Variants in FGD3 observed in about 807,000 individuals in gnomAD.
FGD3 encodes FYVE, RhoGEF and PH domain-containing protein 3.
In FGD3, 45 loss-of-function variants were observed where a neutral mutation model predicts 71.8. The observed-to-expected ratio is 0.63, with a 90% CI of 0.49 to 0.80. The LOEUF is 0.80. Among genes scored for constraint, FGD3 ranks in the 30% least tolerant of loss-of-function variants. The pLI, the probability that FGD3 is intolerant of heterozygous loss-of-function variation, is 0.00. For missense variants in FGD3, 844 were observed against 951.5 expected (o/e 0.89, Z 1.49); for synonymous variants, 378 against 392.8 (o/e 0.96, Z 0.44).
At position 92,969,565 on chromosome 9, in the gene FGD3, C is replaced by T. The variant is rs189717629; in HGVS notation, c.-217-5673C>T. ...CATTGTTATGGAGCCTCCTGTGTGC[C>T]GGGGGCCACTGGGCCACTCCAGCGA... On this transcript the variant is annotated intron_variant, in intron 1 of 17. Coordinates refer to ENST00000375482, the MANE Select transcript of FGD3 (RefSeq NM_001083536.2). This position sits in a 1 kb window ranked among gnomAD's most constrained non-coding sequence, Gnocchi z 4.5. Among the ~76,000 whole-genome samples, 29 of 152,290 alleles carry T rather than the reference C, an allele frequency of 1.9e-4. No homozygotes were observed. Among genetic ancestry groups the T allele is most frequent in the African/African-American group, 5.5e-4 (23 of 41,558 alleles).
At chr9:93,007,380 G>A (rs557632712) in intron 6 of FGD3, among the ~76,000 whole-genome samples, 2 of 152,230 alleles carry the variant, frequency 1.3e-5, no homozygotes, top group East Asian at 3.9e-4. Context: ...GTGAGCCACC[G>A]CGCCTGGCCC....
intron 14 of FGD3, among the ~76,000 whole-genome samples, chr9:93,026,389 T>C (rs771702744): frequency 1.6e-4 from 24 of 152,050 alleles, no homozygotes; most frequent in Admixed American, 3.9e-4. Context: ...GGCGTGTGCA[T>C]GGCCGAGAGA....
At chr9:92,975,681 C>T (rs746006295) in intron 2 of FGD3, among the ~76,000 whole-genome samples, 33 of 152,224 alleles carry the variant, frequency 2.2e-4, no homozygotes, top group African/African-American at 6.3e-4. Context: ...TCTGGCAAGA[C>T]GCACCTCCTG....
chr9:93,020,883 C>G (rs1056263522), intron 13 of FGD3, among the ~76,000 whole-genome samples: 1 of 152,236 alleles, frequency 6.6e-6, no homozygotes, highest in Non-Finnish European at 1.5e-5. Flanking sequence ...GCCGCTGCAG[C>G]CTGCTGGGCC....
At position 93,018,984 on chromosome 9, in the gene FGD3, T is replaced by C. The variant is rs1411907413; in HGVS notation, c.1355+769T>C. The stretch of plus-strand genomic sequence containing the variant: ...CCTCAGCCTCCTGGGTAGTTGGGAT[T>C]ACAGGCACCCGCCACCACGCCAGGC... On this transcript the variant is annotated intron_variant, in intron 11 of 17. Coordinates refer to ENST00000375482, the MANE Select transcript of FGD3 (RefSeq NM_001083536.2). 7.2e-5 allele frequency among the ~76,000 whole-genome samples: 11 copies of C among 152,176 alleles called. 2 individuals carry two copies. Among genetic ancestry groups the C allele is most frequent in the African/African-American group, 2.7e-4 (11 of 41,420 alleles).
At chr9:93,011,885 G>A (rs1181099246) in intron 8 of FGD3, among the ~76,000 whole-genome samples, 3 of 143,886 alleles carry the variant, frequency 2.1e-5, no homozygotes, top group Admixed American at 1.4e-4. Context: ...TAGGCCAGGC[G>A]CGGTGGCTCA....
At chr9:93,023,863 A>G (rs1456684460) in intron 14 of FGD3, among the ~76,000 whole-genome samples, 1 of 141,218 alleles carries the variant, frequency 7.1e-6, no homozygotes, top group African/African-American at 2.6e-5. Flanking sequence ...GTGCGGTGGC[A>G]CAATCTCAGC....
intron 1 of FGD3, among the ~76,000 whole-genome samples, chr9:92,962,847 A>G (rs1398167034): frequency 2.0e-5 from 3 of 151,404 alleles, no homozygotes; most frequent in African/African-American, 7.3e-5. Context: ...AGGATGAGGC[A>G]GGAGAATCTT....
intron 1 of FGD3, among the ~76,000 whole-genome samples, chr9:92,959,487 C>T (rs1248479873): frequency 6.6e-6 from 1 of 151,792 alleles, no homozygotes; most frequent in African/African-American, 2.4e-5. Context: ...GTAGAAGGAT[C>T]GCTTGAGCCT....
chr9:92,992,674 GC>G (rs1311530711), intron 3 of FGD3, among the ~76,000 whole-genome samples: 5 of 152,160 alleles, frequency 3.3e-5, no homozygotes, highest in Non-Finnish European at 5.9e-5. Context: ...TGCAGACGGA[GC>G]CCAGTGCTAG....
chr9:93,035,340 C>T lies in FGD3; in HGVS notation c.1929C>T (p.Asp643=), dbSNP rs754283939. ...GACCATCTGCTCCTCTGCTGCAGGA[C>T]GGCCGGCTGCCCCGCACCATCCCTC... ...QVLHLQGGSQ[D]GRLPRTIPLP... is the part of the protein sequence containing the mutation. The change falls in exon 18 of 18, where the codon GAC becomes GAT. Residue 643 remains aspartate (D), a splice_region_variant and synonymous_variant. Transcript: ENST00000375482. The T allele has an allele frequency of 3.1e-6, 5 of 1,607,144 alleles. No homozygotes were observed. The highest frequency in any genetic ancestry group is 1.7e-5 in the Admixed American group (1 of 59,746).
intron 1 of FGD3, among the ~76,000 whole-genome samples, chr9:92,971,566 C>CTTTTTTTTTTT (rs869043960): frequency 8.1e-4 from 32 of 39,568 alleles, no homozygotes; most frequent in Non-Finnish European, 1.3e-3. Flanking sequence ...CTTTTCTTTT[C>CTTTTTTTTTTT]TTTTTTTTTT....
At chr9:93,029,020 T>G (rs774988648) in intron 14 of FGD3, among the ~76,000 whole-genome samples, 2,961 of 129,112 alleles carry the variant, frequency 0.023, 99 homozygotes, top group Non-Finnish European at 0.036. Flanking sequence ...TTTTTTTTTT[T>G]TTTTTTTTTT....
intron 9 of FGD3, 117 bp downstream of exon 9, chr9:93,014,115 C>A (rs746062144): frequency 5.6e-5 from 73 of 1,310,712 alleles, no homozygotes; most frequent in Non-Finnish European, 7.1e-5. Context: ...GTGGCCTCTC[C>A]TACTGGGACT....
chr9:93,004,875 C>G (rs1261506479), intron 5 of FGD3, among the ~76,000 whole-genome samples: 2 of 152,174 alleles, frequency 1.3e-5, no homozygotes, highest in Non-Finnish European at 2.9e-5. Flanking sequence ...TCACCTGTTG[C>G]TCAGGGAGGG....
At chr9:93,019,932 C>A in intron 12 of FGD3, 71 bp downstream of exon 12, 1 of 1,563,512 alleles carries the variant, frequency 6.4e-7, no homozygotes, top group South Asian at 1.1e-5. Context: ...CATGTTGGTT[C>A]AGAGGGTGGG....
chr9:93,028,197 G>GACACACAC (rs371150500), intron 14 of FGD3, among the ~76,000 whole-genome samples: 22 of 147,322 alleles, frequency 1.5e-4, no homozygotes, highest in East Asian at 6.0e-4. Flanking sequence ...CCCTAGCCCC[G>GACACACAC]ACACACACAC....
At chr9:93,026,070 C>T (rs1862102482) in intron 14 of FGD3, among the ~76,000 whole-genome samples, 1 of 152,234 alleles carries the variant, frequency 6.6e-6, no homozygotes, top group Non-Finnish European at 1.5e-5. Flanking sequence ...ATCAGGGCCT[C>T]TTACTGGGCT....
At chr9:93,005,379 A>G (rs1182300280) in intron 5 of FGD3, among the ~76,000 whole-genome samples, 1 of 152,098 alleles carries the variant, frequency 6.6e-6, no homozygotes, top group Non-Finnish European at 1.5e-5. Flanking sequence ...TGCCCATCTC[A>G]GCCTCCCAAG....
Sources: allele counts gnomAD v4.1 joint callset (sites outside exome capture counted in the v4.1 genomes callset), GRCh38; gene constraint gnomAD v4.1.1; non-coding constraint Gnocchi (gnomAD v3.1); transcripts MANE v1.5; gene names NCBI Gene and HGNC (gene_info 2026-07-23, HGNC 2026-07-21).